The following PHF24 variants were observed in gnomAD, a reference collection of about 807,000 sequenced individuals.
PHF24 encodes the protein PHD finger protein 24.
In PHF24, 25 loss-of-function variants were observed where a neutral mutation model predicts 42.6. That is an observed-to-expected ratio of 0.59 (90% CI 0.43 to 0.82). PHF24 has a LOEUF of 0.82. Among genes scored for constraint, PHF24 ranks in the 40% least tolerant of loss-of-function variants. The pLI is 0.00. For synonymous variants in PHF24, 185 were observed against 204.8 expected (o/e 0.90, Z 0.83); for missense variants, 470 against 538.1 (o/e 0.87, Z 1.25).
At chr9:34,922,851 G>C in the PHF24 span, 1 of 1,586,466 alleles carries the variant, frequency 6.3e-7, no homozygotes. Flanking sequence ...CTTCATGCAG[G>C]CTGCCATATC....
chr9:34,754,648 T>C, the PHF24 span, among the ~76,000 whole-genome samples: 2 of 151,602 alleles, frequency 1.3e-5, no homozygotes, highest in Non-Finnish European at 2.9e-5. Flanking sequence ...AGTTTGGAGG[T>C]TTCCCAAAAA....
chr9:34,738,381 C>T, the PHF24 span, among the ~76,000 whole-genome samples: 5 of 152,118 alleles, frequency 3.3e-5, no homozygotes, highest in Admixed American at 6.5e-5. Flanking sequence ...GACAGAGTCT[C>T]GCTCTGTCGC....
the PHF24 span, chr9:34,728,513 G>C: frequency 1.1e-5 from 13 of 1,218,064 alleles, no homozygotes; most frequent in African/African-American, 1.5e-4. Context: ...TTCAGTGGCA[G>C]AGCACCTGGC....
At chr9:34,881,538 G>A in the PHF24 span, among the ~76,000 whole-genome samples, 3 of 152,086 alleles carry the variant, frequency 2.0e-5, no homozygotes, top group Non-Finnish European at 2.9e-5. Flanking sequence ...TATCACCACC[G>A]ATCCCACAGA....
chr9:34,841,344 A>G, the PHF24 span, among the ~76,000 whole-genome samples: 7 of 152,154 alleles, frequency 4.6e-5, no homozygotes, highest in East Asian at 1.9e-4. Context: ...CCTCTTTTCC[A>G]TATTGAATAC....
At chr9:34,911,499 G>T in the PHF24 span, among the ~76,000 whole-genome samples, 11 of 151,908 alleles carry the variant, frequency 7.2e-5, no homozygotes, top group African/African-American at 2.4e-4. Context: ...TGATCCACCC[G>T]CCTCAGCCTC....
At chr9:34,705,459 T>A in the PHF24 span, among the ~76,000 whole-genome samples, 1 of 151,658 alleles carries the variant, frequency 6.6e-6, no homozygotes, top group Non-Finnish European at 1.5e-5. Context: ...TACTTTTTTT[T>A]ATTTTTTGTA....
the PHF24 span, among the ~76,000 whole-genome samples, chr9:34,852,511 C>T: frequency 6.6e-6 from 1 of 152,172 alleles, no homozygotes; most frequent in East Asian, 1.9e-4. Context: ...GTCTTTATCT[C>T]TCCTTAATTT....
chr9:34,911,087 G>A, the PHF24 span, among the ~76,000 whole-genome samples: 1 of 151,966 alleles, frequency 6.6e-6, no homozygotes, highest in Non-Finnish European at 1.5e-5. Context: ...GCCTCCGAAA[G>A]TGCTGGGATT....
At chr9:34,796,863 A>T in the PHF24 span, among the ~76,000 whole-genome samples, 1 of 152,260 alleles carries the variant, frequency 6.6e-6, no homozygotes, top group Non-Finnish European at 1.5e-5. Flanking sequence ...AACTTGTTAT[A>T]CGCCAATGCT....
the PHF24 span, among the ~76,000 whole-genome samples, chr9:34,852,704 T>C: frequency 1.3e-5 from 2 of 152,220 alleles, no homozygotes; most frequent in African/African-American, 4.8e-5. Context: ...CAGAATCCTG[T>C]CTTTGTTTTG....
the PHF24 span, among the ~76,000 whole-genome samples, chr9:34,825,222 A>C: frequency 6.6e-6 from 1 of 152,016 alleles, no homozygotes. Flanking sequence ...GGATGGAGCC[A>C]GCAGTAAATT....
the PHF24 span, among the ~76,000 whole-genome samples, chr9:34,949,291 C>T: frequency 3.3e-5 from 5 of 152,156 alleles, no homozygotes; most frequent in African/African-American, 1.2e-4. Context: ...ATCAAAACCA[C>T]CGTGAAATAC....
chr9:34,773,231 C>T, the PHF24 span, among the ~76,000 whole-genome samples: 1 of 152,150 alleles, frequency 6.6e-6, no homozygotes, highest in East Asian at 1.9e-4. Flanking sequence ...CTCAGGTGAT[C>T]CGCCCATCTT....
At chr9:34,731,585 A>G in the PHF24 span, among the ~76,000 whole-genome samples, 38 of 152,332 alleles carry the variant, frequency 2.5e-4, no homozygotes, top group East Asian at 6.9e-3. Flanking sequence ...TTCACTTAAT[A>G]TAATGTTCTT....
the PHF24 span, among the ~76,000 whole-genome samples, chr9:34,795,293 A>G: frequency 6.6e-6 from 1 of 152,004 alleles, no homozygotes. Context: ...AAGAAAATGA[A>G]ACGACACCTT....
At chr9:34,966,273 G>T (rs1157193723) in intron 1 of PHF24, among the ~76,000 whole-genome samples, 1 of 152,100 alleles carries the variant, frequency 6.6e-6, no homozygotes, top group Non-Finnish European at 1.5e-5. Flanking sequence ...GAGAATCATT[G>T]CTCTGGTTGT....
chr9:34,691,409 T>G, the PHF24 span: 11 of 441,850 alleles, frequency 2.5e-5, no homozygotes, highest in Non-Finnish European at 4.1e-5. Flanking sequence ...GCCCCCCTTC[T>G]TCCCCCTGCG....
At chr9:34,766,633 C>T in the PHF24 span, among the ~76,000 whole-genome samples, 1 of 152,118 alleles carries the variant, frequency 6.6e-6, no homozygotes, top group Non-Finnish European at 1.5e-5. Context: ...TAACTCTTTG[C>T]CTTTGGTTTG....
Sources: allele counts gnomAD v4.1 joint callset (sites outside exome capture counted in the v4.1 genomes callset), GRCh38; gene constraint gnomAD v4.1.1; transcripts MANE v1.5; gene names NCBI Gene and HGNC (gene_info 2026-07-23, HGNC 2026-07-21).